Variants in ROR1 observed in about 807,000 individuals in gnomAD.
ROR1 encodes the protein inactive tyrosine-protein kinase transmembrane receptor ROR1.
Under a neutral mutation model 78.8 loss-of-function variants are expected in ROR1, and 19 were observed. That is an observed-to-expected ratio of 0.24 (90% CI 0.17 to 0.35). ROR1 has a LOEUF of 0.35. ROR1 is among the 10% of genes least tolerant of loss of function. The pLI, the probability that ROR1 is intolerant of heterozygous loss-of-function variation, is 1.00. For missense variants in ROR1, 917 were observed against 1,177.8 expected (o/e 0.78, Z 3.24); for synonymous variants, 386 against 433.6 (o/e 0.89, Z 1.36).
At chr1:63,867,785 A>G (rs959370146) in intron 1 of ROR1, among the ~76,000 whole-genome samples, 1 of 152,216 alleles carries the variant, frequency 6.6e-6, no homozygotes, top group Non-Finnish European at 1.5e-5. Context: ...TAAATCTAGG[A>G]TAAGATCCAT....
intron 1 of ROR1, among the ~76,000 whole-genome samples, chr1:63,851,703 A>G (rs1247608503): frequency 6.6e-6 from 1 of 152,252 alleles, no homozygotes; most frequent in Non-Finnish European, 1.5e-5. Context: ...TATGCAAACA[A>G]TTATAAGCTC....
intron 1 of ROR1, among the ~76,000 whole-genome samples, chr1:63,827,417 T>C (rs1343913382): frequency 6.6e-6 from 1 of 152,140 alleles, no homozygotes; most frequent in Non-Finnish European, 1.5e-5. Context: ...TTTCTTTTGC[T>C]GGTGGGAAGT....
intron 1 of ROR1, among the ~76,000 whole-genome samples, chr1:63,957,272 T>A (rs951543370): frequency 2.0e-4 from 31 of 152,208 alleles, no homozygotes; most frequent in Non-Finnish European, 2.9e-5. Context: ...TGTAATTTCA[T>A]GCAACTGCAG....
At chr1:63,895,821 A>G (rs1027559292) in intron 1 of ROR1, among the ~76,000 whole-genome samples, 1 of 152,170 alleles carries the variant, frequency 6.6e-6, no homozygotes, top group East Asian at 1.9e-4. Context: ...TAGGTGCCCT[A>G]TGATTTTCTT....
At chr1:64,011,716 C>T (rs1383471409) in intron 2 of ROR1, among the ~76,000 whole-genome samples, 2 of 152,110 alleles carry the variant, frequency 1.3e-5, no homozygotes, top group South Asian at 2.1e-4. Flanking sequence ...TCTGGAGGTA[C>T]GAGGATGCTT....
At chr1:63,822,160 C>T (rs1390115) in intron 1 of ROR1, among the ~76,000 whole-genome samples, 5,832 of 152,272 alleles carry the variant, frequency 0.038, 209 homozygotes, top group Admixed American at 0.11. Flanking sequence ...GATTATGAGA[C>T]ATGTGAAACA....
At chr1:64,028,964 GT>G (rs1161628461) in intron 2 of ROR1, 2 of 151,992 alleles carry the variant, frequency 1.3e-5, no homozygotes, top group Non-Finnish European at 2.9e-5. Flanking sequence ...TCTCTTTATT[GT>G]TCTGATTTTA....
At chr1:64,076,571 A>G (rs1195264161) in intron 4 of ROR1, among the ~76,000 whole-genome samples, 1 of 152,114 alleles carries the variant, frequency 6.6e-6, no homozygotes. Flanking sequence ...TGCATTAAAA[A>G]CCAGTTTACA....
chr1:63,881,340 A>C (rs1645321840), intron 1 of ROR1, among the ~76,000 whole-genome samples: 1 of 152,184 alleles, frequency 6.6e-6, no homozygotes, highest in Non-Finnish European at 1.5e-5. Context: ...CAACCCTGGC[A>C]TTCAGACCTC....
chr1:63,955,586 GCTGCTTC>G (rs1216490911), intron 1 of ROR1, among the ~76,000 whole-genome samples: 3 of 152,134 alleles, frequency 2.0e-5, no homozygotes, highest in Non-Finnish European at 4.4e-5. Flanking sequence ...AATAAATCCA[GCTGCTTC>G]CTGTTTTTGT....
chr1:64,150,864 C>T (rs963159521), intron 7 of ROR1, among the ~76,000 whole-genome samples: 1 of 152,056 alleles, frequency 6.6e-6, no homozygotes, highest in Non-Finnish European at 1.5e-5. Context: ...TGTTGTTGTT[C>T]CTAGTATATA....
chr1:64,128,212 A>G (rs1445818260), intron 4 of ROR1, among the ~76,000 whole-genome samples: 1 of 142,696 alleles, frequency 7.0e-6, no homozygotes, highest in African/African-American at 2.6e-5. Flanking sequence ...CTCAGCACTT[A>G]GGGAGATCAA....
chr1:64,009,862 T>C (rs570151385), intron 2 of ROR1, among the ~76,000 whole-genome samples: 1 of 152,288 alleles, frequency 6.6e-6, no homozygotes, highest in East Asian at 1.9e-4. Context: ...AGGTTTCTGC[T>C]AGGAGATTGT....
chr1:63,972,150 C>T (rs1461862451), intron 1 of ROR1, among the ~76,000 whole-genome samples: 2 of 152,146 alleles, frequency 1.3e-5, no homozygotes, highest in African/African-American at 4.8e-5. Context: ...CCTGTTTTCC[C>T]TTTCTATATT....
At chr1:63,874,031 A>AC (rs1645267925) in intron 1 of ROR1, among the ~76,000 whole-genome samples, 1 of 152,184 alleles carries the variant, frequency 6.6e-6, no homozygotes, top group Admixed American at 6.6e-5. Flanking sequence ...CTCAGAGAGA[A>AC]CCATGATGCT....
chr1:64,000,750 C>T (rs979849786), intron 1 of ROR1, among the ~76,000 whole-genome samples: 43 of 152,146 alleles, frequency 2.8e-4, no homozygotes, highest in African/African-American at 1.0e-3. Flanking sequence ...CCTCTTAACC[C>T]AGAACAATCT....
At chr1:63,934,605 C>T (rs1173277032) in intron 1 of ROR1, among the ~76,000 whole-genome samples, 1 of 152,200 alleles carries the variant, frequency 6.6e-6, no homozygotes, top group Non-Finnish European at 1.5e-5. Flanking sequence ...GTGACTTGGA[C>T]TTGCAAGGAC....
chr1:63,785,838 A>G (rs981253106), intron 1 of ROR1, among the ~76,000 whole-genome samples: 2 of 151,902 alleles, frequency 1.3e-5, no homozygotes, highest in Admixed American at 6.6e-5. Flanking sequence ...CGCAGCAACA[A>G]TTTTCGATGA....
In ROR1 at chr1:63,863,108, G is replaced by A. The variant is rs774490410; in HGVS notation, c.91+88600G>A. On this transcript the variant is annotated intron_variant, in intron 1 of 8. Transcript: ENST00000371079. ...TGATCTCCTGACTCCCACACCAGCA[G>A]GATGCTTAGTTGTGATTTCTGCCTT... Among the ~76,000 whole-genome samples the A allele has an allele frequency of 6.6e-5, 10 of 152,296 alleles. No individual in the cohort carries two copies. In the South Asian group the frequency reaches 1.5e-3, roughly 22 times the overall value.
Sources: gnomAD v4.1 joint callset for allele counts (sites outside exome capture counted in the v4.1 genomes callset) on GRCh38, gnomAD v4.1.1 for gene constraint, MANE v1.5 for transcripts, NCBI Gene and HGNC (gene_info 2026-07-23, HGNC 2026-07-21) for gene names.